Variants in GRM7 observed in about 807,000 individuals in gnomAD.
The protein encoded by GRM7 is metabotropic glutamate receptor 7.
A neutral mutation model predicts 84.5 loss-of-function variants in GRM7; 35 were observed. The observed-to-expected ratio is 0.41, with a 90% CI of 0.32 to 0.55. The LOEUF (loss-of-function observed/expected upper bound fraction) is 0.55. Among genes scored for constraint, GRM7 ranks in the 20% least tolerant of loss-of-function variants. The pLI, the probability that GRM7 is intolerant of heterozygous loss-of-function variation, is 0.19. For synonymous variants in GRM7, 487 were observed against 455.1 expected (o/e 1.07, Z -0.89); for missense variants, 1,003 against 1,194.6 (o/e 0.84, Z 2.36).
chr3:7,730,711 T>C (rs965523389), intron 9 of GRM7, among the ~76,000 whole-genome samples: 1 of 152,216 alleles, frequency 6.6e-6, no homozygotes, highest in Admixed American at 6.5e-5. Flanking sequence ...ACTATTGCCT[T>C]GTTTGTAACA....
At chr3:7,376,816 C>T (rs760956101) in intron 4 of GRM7, among the ~76,000 whole-genome samples, 30 of 152,070 alleles carry the variant, frequency 2.0e-4, no homozygotes, top group Non-Finnish European at 3.1e-4. Flanking sequence ...CCATTAGGAG[C>T]GGGAGAATTC....
At chr3:7,693,414 G>T (rs1401595206) in intron 9 of GRM7, among the ~76,000 whole-genome samples, 1 of 151,678 alleles carries the variant, frequency 6.6e-6, no homozygotes, top group African/African-American at 2.4e-5. Context: ...CCATAGCAAA[G>T]CCCTATAAAG....
chr3:7,191,854 C>G (rs182033086), intron 2 of GRM7, among the ~76,000 whole-genome samples: 12 of 151,872 alleles, frequency 7.9e-5, no homozygotes, highest in Admixed American at 5.9e-4. Context: ...ACTATACATG[C>G]ACAAATAAAC....
At position 7,285,511 on chromosome 3, in the gene GRM7, G is replaced by A. The variant is rs141198236; in HGVS notation, c.737-13173G>A. ...TTAGTGTGCCTTCTCTTTTGAGAGCGCAAAATGATAAATTATAAGGGGTGG... is the reference window on the plus strand; with the variant it reads ...TTAGTGTGCCTTCTCTTTTGAGAGCACAAAATGATAAATTATAAGGGGTGG... On this transcript the variant is annotated intron_variant, in intron 2 of 9. Coordinates refer to ENST00000357716, the MANE Select transcript of GRM7 (RefSeq NM_000844.4). 3.9e-3 allele frequency among the ~76,000 whole-genome samples: 601 copies of A among 152,164 alleles called. 4 individuals are homozygous for A. The highest frequency in any genetic ancestry group is 0.014 in the African/African-American group (572 of 41,554).
At chr3:7,609,787 T>G (rs918485637) in intron 8 of GRM7, among the ~76,000 whole-genome samples, 4 of 151,840 alleles carry the variant, frequency 2.6e-5, no homozygotes, top group Non-Finnish European at 4.4e-5. Context: ...TTGGAGTGAG[T>G]GGTAAATTTA....
At chr3:6,967,575 T>C (rs1252877547) in intron 1 of GRM7, among the ~76,000 whole-genome samples, 1 of 152,246 alleles carries the variant, frequency 6.6e-6, no homozygotes, top group African/African-American at 2.4e-5. Flanking sequence ...GGGATGAGTT[T>C]ATGTAATATA....
At chr3:7,710,772 A>T (rs963238976) in intron 9 of GRM7, among the ~76,000 whole-genome samples, 7 of 152,266 alleles carry the variant, frequency 4.6e-5, no homozygotes, top group Admixed American at 4.6e-4. Context: ...CTCTTGAAAG[A>T]TCTTGCCCTA....
chr3:7,710,865 T>C (rs1210316443), intron 9 of GRM7, among the ~76,000 whole-genome samples: 1 of 152,196 alleles, frequency 6.6e-6, no homozygotes, highest in Admixed American at 6.5e-5. Context: ...TACCACTGTC[T>C]CTGCCAAGAT....
chr3:7,706,880 G>C (rs1199138614), intron 9 of GRM7, among the ~76,000 whole-genome samples: 1 of 152,056 alleles, frequency 6.6e-6, no homozygotes, highest in Non-Finnish European at 1.5e-5. Context: ...TAAATCGCAT[G>C]GTCACTATCT....
chr3:6,970,254 T>A (rs1331231661), intron 1 of GRM7, among the ~76,000 whole-genome samples: 1 of 152,050 alleles, frequency 6.6e-6, no homozygotes, highest in Admixed American at 6.6e-5. Flanking sequence ...AATGTTTAAG[T>A]GTCTGCAGTA....
intron 7 of GRM7, among the ~76,000 whole-genome samples, chr3:7,566,622 A>C (rs1694284963): frequency 6.6e-6 from 1 of 150,938 alleles, no homozygotes; most frequent in Non-Finnish European, 1.5e-5. Flanking sequence ...CTACTGGCAG[A>C]ACTATTTCAG....
chr3:7,377,320 ACT>A (rs1213125460), intron 4 of GRM7, among the ~76,000 whole-genome samples: 5 of 152,190 alleles, frequency 3.3e-5, no homozygotes, highest in Admixed American at 6.5e-5. Context: ...ACTAAGGGTA[ACT>A]CTGAGACTTG....
At chr3:7,232,410 G>T (rs1335481453) in intron 2 of GRM7, among the ~76,000 whole-genome samples, 1 of 152,298 alleles carries the variant, frequency 6.6e-6, no homozygotes, top group Admixed American at 6.5e-5. Flanking sequence ...AAGCATTTAT[G>T]TTCCATTTTG....
At chr3:7,421,510 A>G (rs1226343197) in intron 5 of GRM7, among the ~76,000 whole-genome samples, 1 of 152,184 alleles carries the variant, frequency 6.6e-6, no homozygotes, top group Non-Finnish European at 1.5e-5. Flanking sequence ...CATGGTCCAC[A>G]GGCCTGGACC....
chr3:7,197,708 T>C (rs1465027205), intron 2 of GRM7, among the ~76,000 whole-genome samples: 2 of 152,120 alleles, frequency 1.3e-5, no homozygotes, highest in Non-Finnish European at 2.9e-5. Flanking sequence ...AGTTTTTTTT[T>C]TTTTCTAGTT....
intron 7 of GRM7, among the ~76,000 whole-genome samples, chr3:7,505,831 C>A (rs1222906815): frequency 2.6e-5 from 4 of 152,128 alleles, no homozygotes; most frequent in Non-Finnish European, 5.9e-5. Context: ...GAAAGGCAGC[C>A]TCAAAGATCT....
chr3:7,002,941 A>G (rs192233864), intron 1 of GRM7, among the ~76,000 whole-genome samples: 66 of 152,332 alleles, frequency 4.3e-4, no homozygotes, highest in African/African-American at 1.6e-3. Context: ...TTGCGACAAC[A>G]TGGATAAACC....
intron 9 of GRM7, among the ~76,000 whole-genome samples, chr3:7,713,114 A>ATTTTTTTTTTTTTTT (rs1165234212): frequency 1.5e-5 from 2 of 129,854 alleles, no homozygotes; most frequent in African/African-American, 6.2e-5. Context: ...GAGGATTCGA[A>ATTTTTTTTTTTTTTT]TTTTGTTTTG....
chr3:7,580,317 T>C (rs908351142), intron 8 of GRM7, among the ~76,000 whole-genome samples: 2 of 152,208 alleles, frequency 1.3e-5, no homozygotes, highest in African/African-American at 4.8e-5. Flanking sequence ...TGACATACTC[T>C]GCAAAGAGGG....
Sources: allele counts gnomAD v4.1 joint callset (sites outside exome capture counted in the v4.1 genomes callset), GRCh38; gene constraint gnomAD v4.1.1; transcripts MANE v1.5; gene names NCBI Gene and HGNC (gene_info 2026-07-23, HGNC 2026-07-21).